The following ARHGAP6 variants were observed in gnomAD, a reference collection of about 807,000 sequenced individuals.
ARHGAP6 encodes rho GTPase-activating protein 6.
ARHGAP6 carries 16 observed loss-of-function variants against 55.7 expected under a neutral mutation model. That is an observed-to-expected ratio of 0.29 (90% CI 0.19 to 0.44). The LOEUF is 0.44. Among genes scored for constraint, ARHGAP6 ranks in the 20% least tolerant of loss-of-function variants. The pLI, the probability that ARHGAP6 is intolerant of heterozygous loss-of-function variation, is 1.00. For synonymous variants in ARHGAP6, 382 were observed against 360.9 expected (o/e 1.06, Z -0.66); for missense variants, 698 against 808.9 (o/e 0.86, Z 1.66).
At chrX:11,447,687 T>C (rs1390536091) in intron 1 of ARHGAP6, among the ~76,000 whole-genome samples, 7 of 112,178 alleles carry the variant, frequency 6.2e-5, no homozygotes, top group Non-Finnish European at 1.3e-4. Flanking sequence ...GGGGTACTTG[T>C]ATACATAATT....
At chrX:11,633,890 G>C (rs2052387418) in intron 1 of ARHGAP6, among the ~76,000 whole-genome samples, 1 of 111,480 alleles carries the variant, frequency 9.0e-6, no homozygotes, top group Admixed American at 9.5e-5. Context: ...CTCTCAGTAA[G>C]TTGCTTTTTG....
chrX:11,584,176 T>C (rs2051698564), intron 1 of ARHGAP6, among the ~76,000 whole-genome samples: 2 of 111,881 alleles, frequency 1.8e-5, no homozygotes, highest in South Asian at 7.4e-4. Context: ...AAGTCATAAA[T>C]AACCAAATTG....
chrX:11,587,326 T>C (rs989948769), intron 1 of ARHGAP6, among the ~76,000 whole-genome samples: 1 of 111,941 alleles, frequency 8.9e-6, no homozygotes, highest in Non-Finnish European at 1.9e-5. Context: ...AGGTGGCTGT[T>C]ATTATTTTGA....
intron 1 of ARHGAP6, among the ~76,000 whole-genome samples, chrX:11,531,263 A>T (rs2051045908): frequency 9.0e-6 from 1 of 111,507 alleles, no homozygotes; most frequent in Admixed American, 9.6e-5. Flanking sequence ...CAGATGTTTG[A>T]CTCTTAGTTT....
intron 1 of ARHGAP6, among the ~76,000 whole-genome samples, chrX:11,617,186 G>T (rs1482161135): frequency 8.9e-6 from 1 of 111,891 alleles, no homozygotes; most frequent in East Asian, 2.8e-4. Flanking sequence ...TATATTGACT[G>T]CATGTTGATA....
chrX:11,636,482 C>G (rs1320930944), intron 1 of ARHGAP6, among the ~76,000 whole-genome samples: 1 of 111,035 alleles, frequency 9.0e-6, no homozygotes, highest in Non-Finnish European at 1.9e-5. Context: ...GTAGAGCTAG[C>G]AAGATACTAC....
At chrX:11,483,641 A>G (rs1291334359) in intron 1 of ARHGAP6, among the ~76,000 whole-genome samples, 1 of 102,759 alleles carries the variant, frequency 9.7e-6, no homozygotes, top group Non-Finnish European at 2.0e-5. Context: ...GAGATAATCA[A>G]ATGTTTTTTT....
intron 1 of ARHGAP6, among the ~76,000 whole-genome samples, chrX:11,314,360 C>T (rs1041617988): frequency 8.9e-6 from 1 of 111,916 alleles, no homozygotes; most frequent in Non-Finnish European, 1.9e-5. Flanking sequence ...TTGATCATAA[C>T]AGAACTTCTG....
intron 1 of ARHGAP6, among the ~76,000 whole-genome samples, chrX:11,560,668 C>G (rs920604169): frequency 7.1e-5 from 8 of 112,121 alleles, no homozygotes; most frequent in African/African-American, 1.9e-4. Context: ...GGTAGATAAT[C>G]CTTCCTCCAA....
intron 1 of ARHGAP6, among the ~76,000 whole-genome samples, chrX:11,274,716 T>C (rs1373041650): frequency 9.0e-6 from 1 of 111,054 alleles, no homozygotes; most frequent in Non-Finnish European, 1.9e-5. Context: ...GCTGTACCTA[T>C]CAACCCATCA....
chrX:11,654,521 G>C (rs906509744), intron 1 of ARHGAP6, among the ~76,000 whole-genome samples: 1 of 111,689 alleles, frequency 9.0e-6, no homozygotes, highest in African/African-American at 3.2e-5. Context: ...ACTTCTAACG[G>C]CTCCTGAAAA....
intron 5 of ARHGAP6, 85 bp from the exon 6 acceptor site, chrX:11,182,203 A>G: frequency 1.3e-6 from 1 of 774,914 alleles, no homozygotes; most frequent in Non-Finnish European, 1.9e-6. Context: ...GAATGCCAGC[A>G]CAGTGCCGTA....
At chrX:11,309,753 T>C (rs2048275249) in intron 1 of ARHGAP6, among the ~76,000 whole-genome samples, 1 of 110,599 alleles carries the variant, frequency 9.0e-6, no homozygotes, top group Non-Finnish European at 1.9e-5. Context: ...AAAGACAACC[T>C]AATTGAAAAA....
At chrX:11,142,466 T>C in intron 11 of ARHGAP6, 153 bp from the exon 12 acceptor site, 1 of 292,177 alleles carries the variant, frequency 3.4e-6, no homozygotes, top group East Asian at 6.0e-5. Flanking sequence ...TTCAGCGTGT[T>C]CATTCTACTT....
At chrX:11,427,735 C>T (rs1014292890) in intron 1 of ARHGAP6, 1 of 768,531 alleles carries the variant, frequency 1.3e-6, no homozygotes, top group African/African-American at 2.3e-5. Flanking sequence ...CTGTGCAAAG[C>T]GCCCCTGGCA....
At chrX:11,654,000 T>G (rs1004180376) in intron 1 of ARHGAP6, among the ~76,000 whole-genome samples, 1 of 111,966 alleles carries the variant, frequency 8.9e-6, no homozygotes, top group Non-Finnish European at 1.9e-5. Context: ...CAACGATTAT[T>G]TGACTGAAAT....
At chrX:11,280,865 C>T (rs1770024697) in intron 1 of ARHGAP6, among the ~76,000 whole-genome samples, 1 of 110,590 alleles carries the variant, frequency 9.0e-6, no homozygotes, top group South Asian at 3.8e-4. Context: ...GATACATTTG[C>T]AAAGACATTC....
intron 1 of ARHGAP6, chrX:11,351,529 T>C (rs2048863836): frequency 6.6e-6 from 6 of 904,605 alleles, no homozygotes; most frequent in Admixed American, 4.5e-5. Context: ...TGGAAGTGAT[T>C]AGAGTAGAAA....
rs185417496 is a variant in ARHGAP6 at position 11,240,083 on chromosome X, C to A, written c.748+14465G>T. Among the ~76,000 whole-genome samples the A allele has an allele frequency of 2.6e-3, 295 of 111,801 alleles. 2 individuals carry two copies. The highest frequency in any genetic ancestry group is 4.4e-3 in the Non-Finnish European group (236 of 53,194). On this transcript the variant is annotated intron_variant, in intron 2 of 12. Transcript: ENST00000337414. The stretch of plus-strand genomic sequence containing the variant: ...ATTAATGACCCCTGGCACTTGGGAG[C>A]CATTCATTGTGCCTGTACTCCATGT...
Sources: gnomAD v4.1 joint callset for allele counts (sites outside exome capture counted in the v4.1 genomes callset) on GRCh38, gnomAD v4.1.1 for gene constraint, MANE v1.5 for transcripts, NCBI Gene and HGNC (gene_info 2026-07-23, HGNC 2026-07-21) for gene names.